The following LGI2 variants were observed in gnomAD, a reference collection of about 807,000 sequenced individuals.
LGI2 encodes leucine-rich repeat LGI family member 2.
A neutral mutation model predicts 52.0 loss-of-function variants in LGI2; 30 were observed. The observed-to-expected ratio is 0.58, with a 90% CI of 0.43 to 0.78. The LOEUF (loss-of-function observed/expected upper bound fraction) is 0.78. Ranked by LOEUF, LGI2 falls within the 30% of genes least tolerant of loss-of-function variation. LGI2 has a pLI of 0.00. For missense variants in LGI2, 573 were observed against 692.5 expected, an observed-to-expected ratio of 0.83 and a Z score of 1.94; for synonymous variants, 270 against 271.8, an observed-to-expected ratio of 0.99 and a Z score of 0.06.
chr4:25,025,633 G>T (rs1446800344), intron 3 of LGI2, among the ~76,000 whole-genome samples: 1 of 152,136 alleles, frequency 6.6e-6, no homozygotes, highest in African/African-American at 2.4e-5. Flanking sequence ...TATTCTCTAG[G>T]CTCAGGGAGA....
chr4:24,994,667 C>G (rs35145497), downstream of LGI2, among the ~76,000 whole-genome samples: 8,875 of 152,114 alleles, frequency 0.058, 385 homozygotes, highest in Non-Finnish European at 0.087. Context: ...TGTTAGGAAA[C>G]CCATCTACAT....
intron 1 of LGI2, 29 bp downstream of exon 1, chr4:25,030,468 G>C: frequency 6.4e-7 from 1 of 1,562,322 alleles, no homozygotes; most frequent in Non-Finnish European, 8.7e-7. Context: ...GGGGCGGGAC[G>C]GGATGGGGGC....
chr4:25,014,140 G>C (rs942145779), intron 6 of LGI2, among the ~76,000 whole-genome samples: 4 of 152,150 alleles, frequency 2.6e-5, no homozygotes, highest in African/African-American at 4.8e-5. Context: ...AAAGTTCTAA[G>C]CACTCCCGTG....
chr4:25,005,294 A>G (rs1725363227), intron 7 of LGI2, among the ~76,000 whole-genome samples: 1 of 152,228 alleles, frequency 6.6e-6, no homozygotes, highest in Admixed American at 6.5e-5. Flanking sequence ...TGCTATGTGT[A>G]TGTTGCCACA....
Position 25,003,243 on chromosome 4 carries a change from A to T in LGI2, c.*208T>A. Reference sequence around the variant, plus strand: ...ATTACAGGCTTTAAGATTTTTTTTTAAATGGTAGAATGGGCATGTCATGCA... The same window carrying T: ...ATTACAGGCTTTAAGATTTTTTTTTTAATGGTAGAATGGGCATGTCATGCA... On this transcript the variant is annotated 3_prime_UTR_variant, in exon 8 of 8. Coordinates refer to ENST00000382114, the MANE Select transcript of LGI2 (RefSeq NM_018176.4). 8.7e-6 allele frequency: 4 copies of T among 458,020 alleles called. No homozygotes were observed. Among genetic ancestry groups the T allele is most frequent in the African/African-American group, 2.0e-5 (1 of 49,234 alleles). 28.4% of individuals were successfully genotyped at this position (458,020 alleles called of 1,614,324 possible).
intron 7 of LGI2, among the ~76,000 whole-genome samples, chr4:25,007,749 G>A (rs549176181): frequency 6.6e-6 from 1 of 152,290 alleles, no homozygotes; most frequent in East Asian, 1.9e-4. Context: ...GAACCTCAGG[G>A]TGAACATGAC....
At chr4:24,994,038 G>A (rs946711236), downstream of LGI2, among the ~76,000 whole-genome samples, 1 of 152,046 alleles carries the variant, frequency 6.6e-6, no homozygotes, top group African/African-American at 2.4e-5. Context: ...CCTTTTTCAG[G>A]ACCCCAGAAT....
At chr4:24,997,313 G>T (rs1725108249), downstream of LGI2, among the ~76,000 whole-genome samples, 1 of 152,154 alleles carries the variant, frequency 6.6e-6, no homozygotes, top group South Asian at 2.1e-4. Flanking sequence ...TTGCTAATGG[G>T]TACATGGTTG....
the LGI2 span, among the ~76,000 whole-genome samples, chr4:24,992,230 C>T: frequency 6.6e-6 from 1 of 152,160 alleles, no homozygotes; most frequent in Non-Finnish European, 1.5e-5. Flanking sequence ...CTACCTAGAA[C>T]ACAAGGGGGT....
intron 6 of LGI2, 45 bp downstream of exon 6, chr4:25,017,943 GA>G: frequency 1.3e-6 from 2 of 1,495,902 alleles, no homozygotes; most frequent in Non-Finnish European, 1.8e-6. Context: ...GAAAGACAAA[GA>G]GATTATTCTA....
intron 7 of LGI2, among the ~76,000 whole-genome samples, chr4:25,007,857 G>A (rs1028507760): frequency 6.6e-6 from 1 of 152,184 alleles, no homozygotes; most frequent in Non-Finnish European, 1.5e-5. Context: ...TGCATGGATT[G>A]AGAAAATCCT....
At chr4:25,010,170 C>T (rs1725533137) in intron 7 of LGI2, among the ~76,000 whole-genome samples, 1 of 152,078 alleles carries the variant, frequency 6.6e-6, no homozygotes, top group South Asian at 2.1e-4. Context: ...GTTCCAACTA[C>T]TCAGGAGGCT....
At chr4:25,014,295 T>A (rs559226499) in intron 6 of LGI2, among the ~76,000 whole-genome samples, 3 of 152,330 alleles carry the variant, frequency 2.0e-5, no homozygotes, top group East Asian at 1.9e-4. Flanking sequence ...AATCCCAGGA[T>A]GAAAAGGAGT....
At position 25,018,055 on chromosome 4, in the gene LGI2, G is replaced by A; in HGVS notation, c.589C>T (p.Pro197Ser). 2 of 1,613,530 alleles carry A rather than the reference G, an allele frequency of 1.2e-6. No homozygotes were observed. The highest frequency in any genetic ancestry group is 1.7e-5 in the Admixed American group (1 of 59,828). The change falls in exon 6 of 8, where the codon CCA (proline) becomes TCA (serine). Residue 197 changes from proline (P) to serine (S), a missense_variant. Coordinates refer to ENST00000382114, the MANE Select transcript of LGI2 (RefSeq NM_018176.4). The part of the protein sequence containing the change: ...STVSDVLCIG[P>S]PEYQEKKLND... ...AGCTTCTTTTCCTGATACTCTGGTG[G>A]ACCAATACACAGCACATCAGAAACG...
In LGI2 at chr4:25,018,220, G is replaced by A; in HGVS notation, c.486-62C>T. The stretch of plus-strand genomic sequence containing the variant: ...GAAATAGATGTGTCTGACATGTTTT[G>A]GTAGTAACACGAAACTCCAGAATTA... On this transcript the variant is annotated intron_variant, in intron 5 of 7. Coordinates refer to ENST00000382114, the MANE Select transcript of LGI2 (RefSeq NM_018176.4). The A allele has an allele frequency of 2.4e-6, 3 of 1,229,952 alleles. No individual in the cohort carries two copies. The South Asian group carries it at 5.3e-5, about 22-fold the overall frequency. The allele number at this position is 1,229,952 out of a possible 1,614,324, so 76.2% of individuals were successfully genotyped here.
chr4:25,025,704 T>A (rs978805440), intron 3 of LGI2, among the ~76,000 whole-genome samples: 3 of 152,226 alleles, frequency 2.0e-5, no homozygotes. Flanking sequence ...GATGAGATGC[T>A]CCATGGTTGG....
At chr4:25,007,678 C>T (rs1169815184) in intron 7 of LGI2, among the ~76,000 whole-genome samples, 2 of 150,668 alleles carry the variant, frequency 1.3e-5, no homozygotes, top group African/African-American at 4.9e-5. Context: ...AATCAAAAGG[C>T]GAACAAAATA....
In LGI2 at chr4:25,003,336, C is replaced by T. The variant is rs1198256625; in HGVS notation, c.*115G>A. 1 of 737,784 alleles carries T rather than the reference C, an allele frequency of 1.4e-6. No homozygotes were observed. Among genetic ancestry groups the T allele is most frequent in the African/African-American group, 1.8e-5 (1 of 55,766 alleles). The allele number at this position is 737,784 out of a possible 1,614,324, so 45.7% of individuals were successfully genotyped here. ...AAAGTTTGAAAACATCTAACTATTT[C>T]AGTGCTTTTTAATTTCAGAGCTCTG... On this transcript the variant is annotated 3_prime_UTR_variant, in exon 8 of 8. Coordinates refer to ENST00000382114, the MANE Select transcript of LGI2 (RefSeq NM_018176.4).
intron 7 of LGI2, among the ~76,000 whole-genome samples, chr4:25,008,061 G>A (rs749325780): frequency 4.6e-5 from 7 of 152,154 alleles, no homozygotes; most frequent in Admixed American, 6.5e-5. Flanking sequence ...GCCAGCAACC[G>A]AGAGACAGCT....
Sources: gnomAD v4.1 joint callset for allele counts (sites outside exome capture counted in the v4.1 genomes callset) on GRCh38, gnomAD v4.1.1 for gene constraint, MANE v1.5 for transcripts, NCBI Gene and HGNC (gene_info 2026-07-23, HGNC 2026-07-21) for gene names.